The following SPTA1 variants were observed in gnomAD, a reference collection of about 807,000 sequenced individuals.
SPTA1 encodes spectrin alpha chain, erythrocytic 1.
In SPTA1, 177 loss-of-function variants were observed where a neutral mutation model predicts 324.7. That is an observed-to-expected ratio of 0.55 (90% CI 0.48 to 0.62). SPTA1 has a LOEUF of 0.62. Ranked by LOEUF, SPTA1 falls within the 20% of genes least tolerant of loss-of-function variation. The pLI is 0.00. For synonymous variants in SPTA1, 1,195 were observed against 1,041.3 expected, an observed-to-expected ratio of 1.15 and a Z score of -2.84; for missense variants, 3,162 against 2,883.6, an observed-to-expected ratio of 1.10 and a Z score of -2.21.
chr1:158,632,257 T>C (rs2101796310), intron 39 of SPTA1, among the ~76,000 whole-genome samples: 1 of 151,918 alleles, frequency 6.6e-6, no homozygotes. Context: ...AATCAAAGAG[T>C]GGAATGTTAA....
intron 12 of SPTA1, among the ~76,000 whole-genome samples, chr1:158,670,098 C>G (rs1323337113): frequency 1.3e-5 from 2 of 152,158 alleles, no homozygotes; most frequent in African/African-American, 2.4e-5. Context: ...ATGATATAGC[C>G]ATGTCCATGG....
intron 35 of SPTA1, among the ~76,000 whole-genome samples, chr1:158,638,523 A>C (rs368467849): frequency 6.6e-6 from 1 of 152,044 alleles, no homozygotes; most frequent in Non-Finnish European, 1.5e-5. Flanking sequence ...CTCCCCAACT[A>C]AAAAAGAAAA....
chr1:158,669,725 T>C lies in SPTA1; in HGVS notation c.1661A>G (p.Lys554Arg). The C allele has an allele frequency of 6.2e-7, 1 of 1,614,156 alleles. No homozygotes were observed. The highest frequency in any genetic ancestry group is 8.5e-7 in the Non-Finnish European group (1 of 1,179,998). Reference protein sequence around the residue: ...GDDHYDSENIKAIRDGLLARR... With the variant: ...GDDHYDSENIRAIRDGLLARR... ...TGGACATACCCCGTCACGGATAGCC[T>C]TGATGTTCTCTGAATCATAATGGTC... The change falls in exon 13 of 52, where the codon AAG becomes AGG. Residue 554 changes from lysine (K) to arginine (R), a missense_variant. Physicochemically the swap from Lys to Arg is conservative, Grantham distance 26. Transcript: ENST00000643759.
intron 33 of SPTA1, among the ~76,000 whole-genome samples, chr1:158,640,622 G>A (rs897079655): frequency 2.6e-5 from 4 of 152,022 alleles, no homozygotes; most frequent in African/African-American, 9.7e-5. Flanking sequence ...GGGATGTGAA[G>A]GACCTCTTCA....
rs372084800 is a variant in SPTA1, at chr1:158,627,670, G to T, written c.5619C>A (p.Thr1873=). 4 of 1,613,274 alleles carry T rather than the reference G, an allele frequency of 2.5e-6. No individual in the cohort carries two copies. Among genetic ancestry groups the T allele is most frequent in the Non-Finnish European group, 3.4e-6 (4 of 1,179,744 alleles). ...ALENDFAVHE[T]RVQNVCAQGE... ...CTTGTGCACACACATTTTGTACTCG[G>T]GTCTCATGGACAGCAAAGTCATTTT... The change falls in exon 40 of 52, where the codon ACC becomes ACA. Residue 1873 remains threonine (T), a synonymous_variant. Coordinates refer to ENST00000643759, the MANE Select transcript of SPTA1 (RefSeq NM_003126.4).
Position 158,611,404 on chromosome 1 carries a change from A to G in SPTA1, c.7135-15T>C. Reference sequence around the variant, plus strand: ...GGGGTAAGGGCCTGAAAAGTATAAAAAGAGAAAAATACAGTTATAGGGATT... The same window carrying G: ...GGGGTAAGGGCCTGAAAAGTATAAAGAGAGAAAAATACAGTTATAGGGATT... On this transcript the variant is annotated splice_polypyrimidine_tract_variant and intron_variant, in intron 51 of 51. Coordinates refer to ENST00000643759, the MANE Select transcript of SPTA1 (RefSeq NM_003126.4). 6.2e-7 allele frequency: 1 copy of G among 1,613,146 alleles called. No homozygotes were observed. The highest frequency in any genetic ancestry group is 8.5e-7 in the Non-Finnish European group (1 of 1,179,370).
intron 24 of SPTA1, among the ~76,000 whole-genome samples, chr1:158,650,547 C>T (rs552847706): frequency 6.6e-6 from 1 of 152,310 alleles, no homozygotes; most frequent in Admixed American, 6.5e-5. Flanking sequence ...TCTCCTCTGT[C>T]TCTACTGACC....
intron 34 of SPTA1, 68 bp downstream of exon 34, chr1:158,639,802 G>A (rs1651394756): frequency 6.2e-7 from 1 of 1,612,888 alleles, no homozygotes; most frequent in Admixed American, 1.7e-5. Context: ...ATTGCCCATG[G>A]GTAAATTCAT....
intron 33 of SPTA1, among the ~76,000 whole-genome samples, chr1:158,641,191 A>G (rs901981179): frequency 9.2e-5 from 14 of 151,744 alleles, no homozygotes; most frequent in South Asian, 4.2e-4. Context: ...TGTTAGACCT[A>G]AAACCATAAA....
In SPTA1 at chr1:158,656,824, A is replaced by T. The variant is rs1393051545; in HGVS notation, c.2806-168T>A. On this transcript the variant is annotated intron_variant, in intron 19 of 51. Coordinates refer to ENST00000643759, the MANE Select transcript of SPTA1 (RefSeq NM_003126.4). The stretch of plus-strand genomic sequence containing the variant: ...AATTTGCAAGCATGAAGGAAATAGG[A>T]ATTAATAAATTATAATTTCAATATG... Among the ~76,000 whole-genome samples, 3 of 152,372 alleles carry T rather than the reference A, an allele frequency of 2.0e-5. No homozygotes were observed. The East Asian group carries it at 5.8e-4, about 29-fold the overall frequency.
At chr1:158,665,909 GC>G (rs1466225383) in intron 16 of SPTA1, among the ~76,000 whole-genome samples, 1 of 152,040 alleles carries the variant, frequency 6.6e-6, no homozygotes, top group African/African-American at 2.4e-5. Context: ...TAACTAGTAA[GC>G]CACAAGGATG....
chr1:158,617,937 A>G, intron 46 of SPTA1, 102 bp downstream of exon 46: 1 of 1,114,416 alleles, frequency 9.0e-7, no homozygotes, highest in African/African-American at 1.5e-5. Flanking sequence ...ACATACTACC[A>G]GATTACAATG....
At chr1:158,685,405 C>G (rs186454758) in intron 1 of SPTA1, 58 bp from the exon 2 acceptor site, 7 of 1,602,180 alleles carry the variant, frequency 4.4e-6, no homozygotes, top group Non-Finnish European at 5.9e-6. Context: ...CATGTTGCCC[C>G]GCTTATATGT....
At chr1:158,654,890 G>A (rs775887741) in intron 20 of SPTA1, 142 bp from the exon 21 acceptor site, 389 of 1,133,934 alleles carry the variant, frequency 3.4e-4, no homozygotes, top group Non-Finnish European at 4.6e-4. Context: ...AGAGATTAAA[G>A]TATGTGGTCT....
chr1:158,674,379 G>C lies in SPTA1; in HGVS notation c.1300C>G (p.Gln434Glu). 4 of 1,614,060 alleles carry C rather than the reference G, an allele frequency of 2.5e-6. No individual in the cohort carries two copies. The highest frequency in any genetic ancestry group is 1.7e-4 in the Middle Eastern group (1 of 6,058). ...TCATGATTGGCATTCACGAGGTCTTGACCAGTCTCATCAGCAGATTGAAAT... is the reference window on the plus strand; with the variant it reads ...TCATGATTGGCATTCACGAGGTCTTCACCAGTCTCATCAGCAGATTGAAAT... ...DRFQSADETG[Q>E]DLVNANHEAS... The change falls in exon 10 of 52, where the codon CAA becomes GAA. Residue 434 changes from glutamine to glutamate, a missense_variant. Transcript: ENST00000643759.
chr1:158,648,580 G>C lies in SPTA1; in HGVS notation c.3643C>G (p.Leu1215Val). Residue 1215 changes from leucine (L) to valine (V), a missense_variant, in exon 26 of 52, where the codon CTG becomes GTG. By Grantham distance (32) the Leu-to-Val change is conservative. Coordinates refer to ENST00000643759, the MANE Select transcript of SPTA1 (RefSeq NM_003126.4). ...CGCTGAAGAGCCTGAACACTGAACA[G>C]ATCTGAGCCAGGGTCTGCAGCACTG... is the stretch of plus-strand genomic sequence containing the variant. The part of the protein sequence containing the change: ...ALSAADPGSD[L>V]FSVQALQRRH... 6.2e-7 allele frequency: 1 copy of C among 1,613,996 alleles called. No individual in the cohort carries two copies.
rs753773040 is a variant in SPTA1, at chr1:158,656,667, T to C, written c.2806-11A>G. 1.1e-5 allele frequency: 18 copies of C among 1,605,378 alleles called. No individual in the cohort carries two copies. Among genetic ancestry groups the C allele is most frequent in the Non-Finnish European group, 1.4e-5 (16 of 1,172,838 alleles). ...CTTCTTTAGAAGAGCCTGCATTTAT[T>C]GATGGAAGATCATCAGAATGAATAT... On this transcript the variant is annotated splice_polypyrimidine_tract_variant and intron_variant, in intron 19 of 51. Coordinates refer to ENST00000643759, the MANE Select transcript of SPTA1 (RefSeq NM_003126.4).
At chr1:158,641,188 C>G (rs1651539513) in intron 33 of SPTA1, among the ~76,000 whole-genome samples, 1 of 152,108 alleles carries the variant, frequency 6.6e-6, no homozygotes, top group Non-Finnish European at 1.5e-5. Context: ...AAATGTTAGA[C>G]CTAAAACCAT....
intron 29 of SPTA1, 76 bp downstream of exon 29, chr1:158,645,112 C>T: frequency 1.3e-6 from 2 of 1,488,858 alleles, no homozygotes; most frequent in South Asian, 2.3e-5. Flanking sequence ...GTGAACGGAG[C>T]CTGTAATGAC....
Sources: gnomAD v4.1 joint callset for allele counts (sites outside exome capture counted in the v4.1 genomes callset) on GRCh38, gnomAD v4.1.1 for gene constraint, MANE v1.5 for transcripts, NCBI Gene and HGNC (gene_info 2026-07-23, HGNC 2026-07-21) for gene names.